Variants in IPO11 observed in about 807,000 individuals in gnomAD.
IPO11 encodes importin-11.
Under a neutral mutation model 143.2 loss-of-function variants are expected in IPO11, and 66 were observed. That is an observed-to-expected ratio of 0.46 (90% CI 0.38 to 0.57). The LOEUF is 0.57. IPO11 is among the 20% of genes least tolerant of loss of function. The probability of loss-of-function intolerance (pLI) is 0.00; values close to 1 mark genes in which losing one functional copy is unlikely to be tolerated. For synonymous variants in IPO11, 385 were observed against 377.8 expected (o/e 1.02, Z -0.22); for missense variants, 1,026 against 1,141.0 (o/e 0.90, Z 1.45).
chr5:62,561,193 A>G lies in IPO11; in HGVS notation c.2518A>G (p.Thr840Ala). Residue 840 changes from threonine to alanine, a missense_variant, in exon 27 of 30, where the codon ACC becomes GCC. Physicochemically the swap from Thr to Ala is moderately conservative, Grantham distance 58 (BLOSUM62 0). This residue lies in a region of IPO11 where 351 missense variants were observed against 358.9 expected (regional missense o/e 0.98). Coordinates refer to ENST00000325324, the MANE Select transcript of IPO11 (RefSeq NM_016338.5). ...EMWVDRMDNI[T>A]QPERRKLSAL... is the part of the protein sequence containing the mutation. ...GTGGGTTGATCGAATGGACAACATTACCCAGCCTGAAAGAAGAAAACTTTC... is the reference window on the plus strand; with the variant it reads ...GTGGGTTGATCGAATGGACAACATTGCCCAGCCTGAAAGAAGAAAACTTTC... The G allele has an allele frequency of 1.2e-6, 2 of 1,611,212 alleles. No homozygotes were observed. Among genetic ancestry groups the G allele is most frequent in the Non-Finnish European group, 1.7e-6 (2 of 1,178,530 alleles).
chr5:62,513,400 G>A lies in IPO11; in HGVS notation c.1783-1988G>A, dbSNP rs1476771469. On this transcript the variant is annotated intron_variant, in intron 19 of 29. Coordinates refer to ENST00000325324, the MANE Select transcript of IPO11 (RefSeq NM_016338.5). ...TCCCTCCCGGACGGGGCGGCTGGCC[G>A]GGAGGGGGCGCTGACCCCCCCCCCA... Among the ~76,000 whole-genome samples the A allele has an allele frequency of 9.6e-3, 1,211 of 125,530 alleles. 16 individuals are homozygous for A. The highest frequency in any genetic ancestry group is 0.033 in the African/African-American group (1,097 of 33,016). 82.4% of individuals were successfully genotyped at this position (125,530 alleles called of 152,430 possible).
At chr5:62,614,948 A>G (rs969998164) in intron 29 of IPO11, among the ~76,000 whole-genome samples, 2 of 151,996 alleles carry the variant, frequency 1.3e-5, no homozygotes, top group Admixed American at 1.3e-4. Context: ...CTTTCCCTAG[A>G]CTTTAGCCAT....
chr5:62,575,761 A>T (rs540225089), intron 27 of IPO11, among the ~76,000 whole-genome samples: 1 of 152,280 alleles, frequency 6.6e-6, no homozygotes, highest in South Asian at 2.1e-4. Flanking sequence ...TCAAGGTGTT[A>T]TCTGATTTCC....
chr5:62,432,338 C>G lies in IPO11; in HGVS notation c.-6-4936C>G, dbSNP rs867031595. Among the ~76,000 whole-genome samples the G allele has an allele frequency of 3.9e-5, 6 of 152,304 alleles. No individual in the cohort carries two copies. The East Asian group carries it at 5.8e-4, about 15-fold the overall frequency. ...GATGGAAGAAGAGAGCCCTAGACCTCTAGCTGTGTTTGCCTGGTACAGAAT... is the reference window on the plus strand; with the variant it reads ...GATGGAAGAAGAGAGCCCTAGACCTGTAGCTGTGTTTGCCTGGTACAGAAT... On this transcript the variant is annotated intron_variant, in intron 1 of 29. Transcript: ENST00000325324.
chr5:62,470,928 A>G (rs756675928), intron 7 of IPO11, among the ~76,000 whole-genome samples: 7 of 144,052 alleles, frequency 4.9e-5, no homozygotes, highest in Non-Finnish European at 1.0e-4. Context: ...CCTGGGTTCA[A>G]GCAGTTCTCC....
At chr5:62,554,105 G>T (rs1487514213) in intron 26 of IPO11, among the ~76,000 whole-genome samples, 1 of 152,116 alleles carries the variant, frequency 6.6e-6, no homozygotes. Context: ...TCAGATAATT[G>T]TTCTACTTTT....
At chr5:62,498,199 A>C (rs1011861851) in intron 16 of IPO11, among the ~76,000 whole-genome samples, 17 of 152,128 alleles carry the variant, frequency 1.1e-4, no homozygotes, top group Admixed American at 1.1e-3. Context: ...GTTTGTACTT[A>C]CTGTTAATTG....
In IPO11 at chr5:62,416,725, T is replaced by A. The variant is rs952125419; in HGVS notation, c.-7+3796T>A. On this transcript the variant is annotated intron_variant, in intron 1 of 29. Coordinates refer to ENST00000325324, the MANE Select transcript of IPO11 (RefSeq NM_016338.5). The stretch of plus-strand genomic sequence containing the variant: ...CAAGTCTCTTATTATCTTTTTTTTT[T>A]TTTATTTTTTTTTTTTGAGACAGAG... Among the ~76,000 whole-genome samples, 129 of 151,788 alleles carry A rather than the reference T, an allele frequency of 8.5e-4. 1 individual carries two copies. The highest frequency in any genetic ancestry group is 1.5e-3 in the Non-Finnish European group (101 of 67,932).
At chr5:62,552,347 A>G (rs1000329381) in intron 26 of IPO11, among the ~76,000 whole-genome samples, 5 of 152,130 alleles carry the variant, frequency 3.3e-5, no homozygotes, top group Admixed American at 3.3e-4. Context: ...ATTTTAAAAT[A>G]TATGTAGCTT....
intron 20 of IPO11, among the ~76,000 whole-genome samples, chr5:62,518,536 C>T (rs970232178): frequency 9.9e-5 from 15 of 151,972 alleles, no homozygotes; most frequent in Non-Finnish European, 1.8e-4. Context: ...ATTGCTTGAA[C>T]CCGGGAGGCA....
chr5:62,609,091 G>A (rs1703946752), intron 29 of IPO11, among the ~76,000 whole-genome samples: 1 of 152,138 alleles, frequency 6.6e-6, no homozygotes, highest in South Asian at 2.1e-4. Context: ...GGCTCACCAT[G>A]TTGGTGTGGG....
At chr5:62,482,264 G>T (rs1047851718) in intron 9 of IPO11, among the ~76,000 whole-genome samples, 2 of 151,974 alleles carry the variant, frequency 1.3e-5, no homozygotes, top group Admixed American at 6.6e-5. Context: ...TTTTTGAAGG[G>T]TTTTTTTGTG....
chr5:62,611,440 G>A (rs955156760), intron 29 of IPO11, among the ~76,000 whole-genome samples: 1 of 152,100 alleles, frequency 6.6e-6, no homozygotes, highest in Non-Finnish European at 1.5e-5. Flanking sequence ...CTACATAATA[G>A]TAATCAAAGA....
intron 28 of IPO11, among the ~76,000 whole-genome samples, chr5:62,599,575 AT>A (rs1463514156): frequency 2.0e-5 from 3 of 152,132 alleles, no homozygotes; most frequent in Admixed American, 2.0e-4. Flanking sequence ...AAAAGGTTTC[AT>A]TTTTTCATGC....
intron 19 of IPO11, among the ~76,000 whole-genome samples, chr5:62,514,190 G>C (rs1323066648): frequency 6.6e-6 from 1 of 151,836 alleles, no homozygotes; most frequent in Non-Finnish European, 1.5e-5. Flanking sequence ...CAGACGGGGT[G>C]GCGGCCGGGC....
intron 29 of IPO11, among the ~76,000 whole-genome samples, chr5:62,613,945 C>T (rs910463246): frequency 2.0e-5 from 3 of 152,216 alleles, no homozygotes; most frequent in Admixed American, 2.0e-4. Context: ...CAAGTCTTCC[C>T]TGTGTATATC....
chr5:62,463,726 T>G (rs1745459502), intron 5 of IPO11, among the ~76,000 whole-genome samples: 1 of 152,044 alleles, frequency 6.6e-6, no homozygotes, highest in African/African-American at 2.4e-5. Context: ...TGTTTATCTC[T>G]TTTATACAGT....
At chr5:62,426,442 G>T (rs918316910) in intron 1 of IPO11, among the ~76,000 whole-genome samples, 1 of 152,110 alleles carries the variant, frequency 6.6e-6, no homozygotes, top group South Asian at 2.1e-4. Flanking sequence ...TGAAGACTAG[G>T]TTTGTAAACT....
chr5:62,526,283 G>A lies in IPO11; in HGVS notation c.2012+26G>A, dbSNP rs771201812. On this transcript the variant is annotated intron_variant, in intron 21 of 29. Transcript: ENST00000325324. The stretch of plus-strand genomic sequence containing the variant: ...GTAAGAGGAAAAACTTAATACCATG[G>A]ATCTTATTTTATTCGTGACCTTTCC... 2.0e-6 allele frequency: 3 copies of A among 1,471,202 alleles called. No individual in the cohort carries two copies. In the Admixed American group the frequency reaches 5.0e-5, roughly 25 times the overall value. The allele number at this position is 1,471,202 out of a possible 1,614,324, so 91.1% of individuals were successfully genotyped here. A position where few individuals can be genotyped will look rare whatever the true frequency, so the allele number is the denominator to read the frequency against.
Sources: gnomAD v4.1 joint callset for allele counts (sites outside exome capture counted in the v4.1 genomes callset) on GRCh38, gnomAD v4.1.1 for gene constraint, gnomAD v4.1.1 regional missense constraint, MANE v1.5 for transcripts, NCBI Gene and HGNC (gene_info 2026-07-23, HGNC 2026-07-21) for gene names.